CCR5AS: variants seen among roughly 807,000 people sequenced by gnomAD.
The protein encoded by CCR5AS is CCR5 antisense RNA.
At chr3:46,372,291 G>C (rs1276816701) in intron 2 of CCR5AS, among the ~76,000 whole-genome samples, 1 of 152,176 alleles carries the variant, frequency 6.6e-6, no homozygotes, top group Middle Eastern at 3.2e-3. Flanking sequence ...AGCATTCTAG[G>C]AGGCTGAGGC....
intron 2 of CCR5AS, among the ~76,000 whole-genome samples, chr3:46,377,101 G>A (rs746493619): frequency 6.6e-6 from 1 of 152,180 alleles, no homozygotes; most frequent in African/African-American, 2.4e-5. Flanking sequence ...AGGCAGTGCG[G>A]CAGGGAGGTT....
chr3:46,403,372 T>C (rs939083591), intron 1 of CCR5AS, among the ~76,000 whole-genome samples: 5 of 152,194 alleles, frequency 3.3e-5, no homozygotes, highest in Admixed American at 3.3e-4. Flanking sequence ...TGAACTAAAT[T>C]TAATGTTGTG....
intron 2 of CCR5AS, among the ~76,000 whole-genome samples, chr3:46,372,061 T>C (rs1701668718): frequency 6.6e-6 from 1 of 152,170 alleles, no homozygotes; most frequent in Non-Finnish European, 1.5e-5. Flanking sequence ...GTCTGCAAAA[T>C]GTGAAAAATA....
chr3:46,387,030 T>TGA (rs1190238819), intron 2 of CCR5AS, among the ~76,000 whole-genome samples: 1 of 151,832 alleles, frequency 6.6e-6, no homozygotes, highest in Non-Finnish European at 1.5e-5. Flanking sequence ...ATAATAAAAT[T>TGA]GAGAGAGAGA....
chr3:46,364,696 T>C (rs1027273147), exon 4 of CCR5AS, among the ~76,000 whole-genome samples: 1 of 152,196 alleles, frequency 6.6e-6, no homozygotes, highest in African/African-American at 2.4e-5. Context: ...ATTCCATTGA[T>C]GGATCTGAGC....
intron 2 of CCR5AS, among the ~76,000 whole-genome samples, chr3:46,381,992 T>A (rs763930364): frequency 6.6e-5 from 10 of 152,218 alleles, no homozygotes; most frequent in Non-Finnish European, 1.5e-4. Context: ...CTCGGTAAGA[T>A]TTGCCTTTTA....
At chr3:46,381,865 GT>G (rs1401870369) in intron 2 of CCR5AS, among the ~76,000 whole-genome samples, 2 of 152,232 alleles carry the variant, frequency 1.3e-5, no homozygotes, top group African/African-American at 2.4e-5. Flanking sequence ...GCTTGGGCAA[GT>G]GACTTAACGT....
intron 2 of CCR5AS, chr3:46,373,688 A>G: frequency 6.2e-7 from 1 of 1,614,122 alleles, no homozygotes; most frequent in Non-Finnish European, 8.5e-7. Flanking sequence ...CCTTCCAGGA[A>G]TTCTTTGGCC....
rs765129191 is a variant in CCR5AS, at chr3:46,397,466, G to A, written n.164-4414C>T. 4.6e-5 allele frequency among the ~76,000 whole-genome samples: 7 copies of A among 152,324 alleles called. No homozygotes were observed. The South Asian group carries it at 6.2e-4, about 14-fold the overall frequency. On this transcript the variant is annotated intron_variant and non_coding_transcript_variant, in intron 1 of 3. Coordinates refer to ENST00000451485, the Ensembl canonical transcript of CCR5AS. ...TATACAAAAATTTGGACAAGGTATA[G>A]GGAGGCCACAATACACAGTGCAGTG...
intron 2 of CCR5AS, among the ~76,000 whole-genome samples, chr3:46,391,032 T>C (rs1575285852): frequency 6.6e-6 from 1 of 152,340 alleles, no homozygotes; most frequent in East Asian, 1.9e-4. Context: ...AGTCTTCAGC[T>C]GCTAAGCTGA....
intron 1 of CCR5AS, among the ~76,000 whole-genome samples, chr3:46,401,140 G>A (rs540201047): frequency 3.3e-5 from 5 of 152,342 alleles, no homozygotes; most frequent in Admixed American, 3.3e-4. Context: ...AAAGTCATAT[G>A]AGCTGAGGAG....
rs574892806 is a variant in CCR5AS, at chr3:46,375,672, G to T, written n.392-4255C>A. The T allele has an allele frequency of 6.0e-4, 98 of 162,926 alleles. 1 individual carries two copies. Among genetic ancestry groups the T allele is most frequent in the Middle Eastern group, 3.4e-3 (1 of 292 alleles). The allele number at this position is 162,926 out of a possible 1,614,324, so 10.1% of individuals were successfully genotyped here. On this transcript the variant is annotated intron_variant and non_coding_transcript_variant, in intron 2 of 3. Transcript: ENST00000451485. ...TTTCAGACTGAATGGGGGTGGGGGG[G>T]GCGCCTTAGGTACTTATTCCAGATG...
intron 1 of CCR5AS, among the ~76,000 whole-genome samples, chr3:46,396,887 G>A (rs6806951): frequency 0.069 from 10,440 of 152,214 alleles, 538 homozygotes; most frequent in South Asian, 0.2. Flanking sequence ...CAGGAATCCA[G>A]CCTAAAATAG....
chr3:46,383,324 T>G (rs1701831445), intron 2 of CCR5AS, among the ~76,000 whole-genome samples: 1 of 152,288 alleles, frequency 6.6e-6, no homozygotes, highest in South Asian at 2.1e-4. Context: ...ACTCCATAGC[T>G]CAAAGCAAAC....
chr3:46,404,894 A>T (rs1000778593), intron 1 of CCR5AS, among the ~76,000 whole-genome samples: 10 of 152,228 alleles, frequency 6.6e-5, no homozygotes, highest in Admixed American at 2.0e-4. Flanking sequence ...TAAATGAGTG[A>T]TCTACACGTA....
intron 1 of CCR5AS, among the ~76,000 whole-genome samples, chr3:46,404,220 A>G (rs1479888455): frequency 6.6e-6 from 1 of 152,008 alleles, no homozygotes; most frequent in East Asian, 1.9e-4. Flanking sequence ...CTTAGTGACA[A>G]GAAAGAATGA....
intron 2 of CCR5AS, chr3:46,375,255 G>C (rs926039474): frequency 1.0e-4 from 17 of 166,968 alleles, no homozygotes; most frequent in African/African-American, 3.6e-4. Context: ...CTAGATTTAT[G>C]AATACACGAG....
chr3:46,391,883 C>G (rs1701917384), intron 2 of CCR5AS, among the ~76,000 whole-genome samples: 1 of 151,920 alleles, frequency 6.6e-6, no homozygotes, highest in Non-Finnish European at 1.5e-5. Context: ...TCAAAGGACT[C>G]AGAGCTTGGG....
intron 2 of CCR5AS, among the ~76,000 whole-genome samples, chr3:46,377,993 C>T (rs1701779873): frequency 6.6e-6 from 1 of 152,208 alleles, no homozygotes; most frequent in Admixed American, 6.5e-5. Context: ...CAGGCATGAG[C>T]CACTGTGCCC....
Sources: gnomAD v4.1 joint callset for allele counts (sites outside exome capture counted in the v4.1 genomes callset) on GRCh38, gnomAD v4.1.1 for gene constraint, MANE v1.5 for transcripts, NCBI Gene and HGNC (gene_info 2026-07-23, HGNC 2026-07-21) for gene names.